The following SHANK2 variants were observed in gnomAD, a reference collection of about 807,000 sequenced individuals.
SHANK2 encodes SH3 and multiple ankyrin repeat domains protein 2.
SHANK2 carries 43 observed loss-of-function variants against 133.7 expected under a neutral mutation model. That is an observed-to-expected ratio of 0.32 (90% CI 0.25 to 0.41). The LOEUF (loss-of-function observed/expected upper bound fraction) is 0.41. Ranked by LOEUF, SHANK2 falls within the 10% of genes least tolerant of loss-of-function variation. The probability of loss-of-function intolerance (pLI) is 1.00; values close to 1 mark genes in which losing one functional copy is unlikely to be tolerated. For synonymous variants in SHANK2, 1,017 were observed against 952.8 expected (o/e 1.07, Z -1.24); for missense variants, 1,994 against 2,235.8 (o/e 0.89, Z 2.18).
chr11:70,642,981 G>A lies in SHANK2; in HGVS notation c.2061+16847C>T, dbSNP rs532539035. On this transcript the variant is annotated intron_variant, in intron 17 of 25. Transcript: ENST00000601538. ...GCACAAAGAAATACATGTTGGAGGTGACGACATCGCAGTTATCCTGATTTG... is the reference window on the plus strand; with the variant it reads ...GCACAAAGAAATACATGTTGGAGGTAACGACATCGCAGTTATCCTGATTTG... Among the ~76,000 whole-genome samples, 3 of 152,332 alleles carry A rather than the reference G, an allele frequency of 2.0e-5. No homozygotes were observed. In the East Asian group the frequency reaches 5.8e-4, roughly 29 times the overall value.
intron 17 of SHANK2, among the ~76,000 whole-genome samples, chr11:70,592,271 A>G (rs1362703827): frequency 6.6e-6 from 1 of 152,078 alleles, no homozygotes; most frequent in Non-Finnish European, 1.5e-5. Context: ...CTGGTCCCCC[A>G]GGGGACAGCC....
At chr11:70,877,052 C>T (rs1157709907) in intron 11 of SHANK2, among the ~76,000 whole-genome samples, 2 of 152,208 alleles carry the variant, frequency 1.3e-5, no homozygotes, top group African/African-American at 2.4e-5. Flanking sequence ...GCTTCCTGTC[C>T]CAGCCACACA....
Position 70,506,829 on chromosome 11 carries a change from G to A in SHANK2, c.2062-3898C>T, listed in dbSNP as rs374421455. On this transcript the variant is annotated intron_variant, in intron 17 of 25. Coordinates refer to ENST00000601538, the MANE Select transcript of SHANK2 (RefSeq NM_012309.5). ...TGGGCAGGACACCTGCCTCTCTAGC[G>A]GGGTGTCCTCAGTAAACAGCATGGC... Among the ~76,000 whole-genome samples the A allele has an allele frequency of 1.5e-4, 23 of 152,264 alleles. No homozygotes were observed. In the East Asian group the frequency reaches 1.7e-3, roughly 12 times the overall value.
At chr11:70,837,990 A>G (rs1483344892) in intron 11 of SHANK2, among the ~76,000 whole-genome samples, 4 of 150,582 alleles carry the variant, frequency 2.7e-5, no homozygotes, top group African/African-American at 9.8e-5. Flanking sequence ...AAAAAAAAAA[A>G]AAAAAAAAAA....
intron 17 of SHANK2, among the ~76,000 whole-genome samples, chr11:70,630,400 C>A (rs782626849): frequency 2.0e-5 from 3 of 152,188 alleles, no homozygotes; most frequent in Non-Finnish European, 4.4e-5. Context: ...AAGAGATCTG[C>A]GGACAAAGTG....
At chr11:70,766,231 G>C (rs1011450464) in intron 14 of SHANK2, among the ~76,000 whole-genome samples, 8 of 152,254 alleles carry the variant, frequency 5.3e-5, no homozygotes, top group African/African-American at 1.7e-4. Context: ...AAGGATGTTG[G>C]AGCAGCAAGA....
chr11:70,799,226 C>T (rs921616723), intron 13 of SHANK2, among the ~76,000 whole-genome samples: 3 of 152,008 alleles, frequency 2.0e-5, no homozygotes, highest in Admixed American at 6.5e-5. Context: ...AGCCAAACCG[C>T]GTCTCTACTA....
intron 14 of SHANK2, among the ~76,000 whole-genome samples, chr11:70,796,940 G>C (rs1555049255): frequency 2.0e-5 from 3 of 152,198 alleles, no homozygotes; most frequent in Non-Finnish European, 4.4e-5. Context: ...ACAACAGAAA[G>C]AAACCGTAAA....
chr11:70,496,917 G>T, intron 21 of SHANK2: 1 of 456,126 alleles, frequency 2.2e-6, no homozygotes, highest in Non-Finnish European at 4.4e-6. Context: ...GGTGGGGCTG[G>T]TCATGTCATT....
Position 70,544,850 on chromosome 11 carries a change from G to A in SHANK2, c.2062-41919C>T, listed in dbSNP as rs191016252. On this transcript the variant is annotated intron_variant, in intron 17 of 25. Coordinates refer to ENST00000601538, the MANE Select transcript of SHANK2 (RefSeq NM_012309.5). The stretch of plus-strand genomic sequence containing the variant: ...CCGGGGCTGTCCTGGGCAAGGCACC[G>A]GTGTCCCCACCCACAGGTCCTTCAG... 5.3e-5 allele frequency among the ~76,000 whole-genome samples: 8 copies of A among 152,348 alleles called. 1 individual carries two copies. Among genetic ancestry groups the A allele is most frequent in the Admixed American group, 4.6e-4 (7 of 15,308 alleles).
chr11:70,547,634 G>C (rs1329877177), intron 17 of SHANK2, among the ~76,000 whole-genome samples: 1 of 152,194 alleles, frequency 6.6e-6, no homozygotes, highest in Non-Finnish European at 1.5e-5. Context: ...ATCCCAGCTG[G>C]ACAGCGTGTC....
chr11:70,901,800 G>T lies in SHANK2; in HGVS notation c.1108-5233C>A, dbSNP rs114636024. 4.3e-3 allele frequency among the ~76,000 whole-genome samples: 656 copies of T among 152,284 alleles called. 8 individuals carry two copies. The highest frequency in any genetic ancestry group is 0.015 in the African/African-American group (636 of 41,556). On this transcript the variant is annotated intron_variant, in intron 10 of 25. Coordinates refer to ENST00000601538, the MANE Select transcript of SHANK2 (RefSeq NM_012309.5). ...TGGTGGAGGTTACAGCTCAGGCAAA[G>T]GTTTGGAGGATGGATGTCAGACGTG...
chr11:71,062,824 C>T (rs1450135101), intron 9 of SHANK2, among the ~76,000 whole-genome samples: 1 of 151,332 alleles, frequency 6.6e-6, no homozygotes, highest in East Asian at 1.9e-4. Flanking sequence ...AGCAAGATCC[C>T]GTCTCTACAA....
intron 14 of SHANK2, among the ~76,000 whole-genome samples, chr11:70,789,532 G>A (rs986309976): frequency 2.6e-5 from 4 of 152,100 alleles, no homozygotes; most frequent in Admixed American, 1.3e-4. Context: ...AGAAGATTCC[G>A]GAAGCCCATT....
chr11:71,126,993 C>T (rs373225433), intron 3 of SHANK2, among the ~76,000 whole-genome samples: 1 of 152,144 alleles, frequency 6.6e-6, no homozygotes, highest in African/African-American at 2.4e-5. Context: ...GCTTGAGCCA[C>T]CGCGCCCAGC....
At chr11:70,710,442 C>T (rs904018461) in intron 14 of SHANK2, among the ~76,000 whole-genome samples, 2 of 152,180 alleles carry the variant, frequency 1.3e-5, no homozygotes, top group African/African-American at 2.4e-5. Context: ...CTGCTGAATG[C>T]GGACTGTGCC....
chr11:71,219,227 C>T (rs893373691), intron 2 of SHANK2, among the ~76,000 whole-genome samples: 3 of 152,216 alleles, frequency 2.0e-5, no homozygotes, highest in South Asian at 2.1e-4. Flanking sequence ...GGTAACTACT[C>T]TCAACTTTGC....
chr11:71,069,052 C>T lies in SHANK2; in HGVS notation c.1029+6107G>A, dbSNP rs1025844880. On this transcript the variant is annotated intron_variant, in intron 9 of 25. Transcript: ENST00000601538. Reference sequence around the variant, plus strand: ...GCCATGACCACCATCATCACCATCACCATGATTACCATCACCATCACCACC... The same window carrying T: ...GCCATGACCACCATCATCACCATCATCATGATTACCATCACCATCACCACC... Among the ~76,000 whole-genome samples the T allele has an allele frequency of 2.1e-4, 31 of 151,208 alleles. No homozygotes were observed. In the East Asian group the frequency reaches 6.1e-3, roughly 30 times the overall value.
At chr11:70,947,937 C>T (rs1467850840) in intron 10 of SHANK2, among the ~76,000 whole-genome samples, 2 of 152,182 alleles carry the variant, frequency 1.3e-5, no homozygotes, top group Admixed American at 6.5e-5. Flanking sequence ...CAACGTGGCC[C>T]TCTGTGGTCT....
Sources: allele counts gnomAD v4.1 joint callset (sites outside exome capture counted in the v4.1 genomes callset), GRCh38; gene constraint gnomAD v4.1.1; transcripts MANE v1.5; gene names NCBI Gene and HGNC (gene_info 2026-07-23, HGNC 2026-07-21).